Variants in NCR3LG1 observed in about 807,000 individuals in gnomAD.
NCR3LG1 encodes natural killer cell cytotoxicity receptor 3 ligand 1.
NCR3LG1 carries 35 observed loss-of-function variants against 34.8 expected under a neutral mutation model. The observed-to-expected ratio is 1.01, with a 90% CI of 0.77 to 1.33. NCR3LG1 has a LOEUF of 1.33. Ranked by LOEUF, NCR3LG1 falls within the 40% of genes most tolerant of loss-of-function variation. The pLI is 0.00. For synonymous variants in NCR3LG1, 173 were observed against 163.6 expected, an observed-to-expected ratio of 1.06 and a Z score of -0.44; for missense variants, 452 against 423.3, an observed-to-expected ratio of 1.07 and a Z score of -0.60.
In NCR3LG1 at chr11:17,376,540, AT is replaced by A. The variant is rs1953479422; in HGVS notation, c.*4031del. On this transcript the variant is annotated 3_prime_UTR_variant, in exon 5 of 5. Transcript: ENST00000338965. ...CTAAGGAACCTCTTGATGACTTGGTATTTACTGTCTTAGCATTCCCTTTGTT... is the reference window on the plus strand; with the variant it reads ...CTAAGGAACCTCTTGATGACTTGGTATTACTGTCTTAGCATTCCCTTTGTT... 1 of 152,190 alleles carries A rather than the reference AT, an allele frequency of 6.6e-6. No individual in the cohort carries two copies. 9.4% of individuals were successfully genotyped at this position (152,190 alleles called of 1,614,324 possible). A position where few individuals can be genotyped will look rare whatever the true frequency, so the allele number is the denominator to read the frequency against.
intron 1 of NCR3LG1, among the ~76,000 whole-genome samples, chr11:17,354,545 C>CTTTTTTTTTTTTTTTTTTTTTTTTTTTT (rs71047545): frequency 1.4e-5 from 1 of 70,294 alleles, no homozygotes; most frequent in Non-Finnish European, 3.4e-5. Context: ...AATTCTTCTT[C>CTTTTTTTTTTTTTTTTTTTTTTTTTTTT]TTTTTTTTTT....
chr11:17,358,836 T>A (rs1439712814), intron 2 of NCR3LG1, among the ~76,000 whole-genome samples: 2 of 152,216 alleles, frequency 1.3e-5, no homozygotes, highest in South Asian at 2.1e-4. Context: ...TTTTCTCAAA[T>A]TTTTCCAGCT....
chr11:17,354,536 ATTC>A (rs1266055036), intron 1 of NCR3LG1, among the ~76,000 whole-genome samples: 36 of 97,782 alleles, frequency 3.7e-4, no homozygotes, highest in South Asian at 6.0e-4. Context: ...CGACCCCCCA[ATTC>A]TTCTTCTTTT....
intron 1 of NCR3LG1, among the ~76,000 whole-genome samples, chr11:17,352,392 AGAT>A (rs1953147796): frequency 6.6e-6 from 1 of 151,960 alleles, no homozygotes; most frequent in Non-Finnish European, 1.5e-5. Flanking sequence ...GTGTTAGCCA[AGAT>A]GGTCTCCTTG....
chr11:17,357,545 T>C (rs751752177), intron 2 of NCR3LG1, among the ~76,000 whole-genome samples: 1 of 152,100 alleles, frequency 6.6e-6, no homozygotes, highest in Admixed American at 6.5e-5. Flanking sequence ...CATAAGACTT[T>C]GAATGTTTTG....
intron 1 of NCR3LG1, among the ~76,000 whole-genome samples, chr11:17,353,883 A>C (rs999608727): frequency 6.6e-6 from 1 of 152,200 alleles, no homozygotes; most frequent in African/African-American, 2.4e-5. Context: ...TCGCCTAACA[A>C]ATCATTTCCG....
At position 17,376,050 on chromosome 11, in the gene NCR3LG1, G is replaced by C. The variant is rs183066614; in HGVS notation, c.*3538G>C. The C allele has an allele frequency of 3.9e-5, 6 of 152,100 alleles. No individual in the cohort carries two copies. Among genetic ancestry groups the C allele is most frequent in the African/African-American group, 1.2e-4 (5 of 41,410 alleles). The allele number at this position is 152,100 out of a possible 1,614,324, so 9.4% of individuals were successfully genotyped here. On this transcript the variant is annotated 3_prime_UTR_variant, in exon 5 of 5. Coordinates refer to ENST00000338965, the MANE Select transcript of NCR3LG1 (RefSeq NM_001202439.3). ...TCTCAGGAGAAAATCTACTAAAAATGGTCAAATAGGTTGTTAATACTCGTG... is the reference window on the plus strand; with the variant it reads ...TCTCAGGAGAAAATCTACTAAAAATCGTCAAATAGGTTGTTAATACTCGTG...
Position 17,372,124 on chromosome 11 carries a change from G to C in NCR3LG1, c.977G>C (p.Trp326Ser). The change falls in exon 5 of 5, where the codon TGG (tryptophan) becomes TCG (serine). Residue 326 changes from tryptophan (W) to serine (S), a missense_variant. Trp to Ser is a radical substitution (Grantham distance 177). Coordinates refer to ENST00000338965, the MANE Select transcript of NCR3LG1 (RefSeq NM_001202439.3). ...CTCATATTCTTTTGCACTCGGGCAT[G>C]GCCGTCTTACCAGCTGCAGGATGGG... ...EHLIFFCTRA[W>S]PSYQLQDGEA... 1 of 703,032 alleles carries C rather than the reference G, an allele frequency of 1.4e-6. No homozygotes were observed. Among genetic ancestry groups the C allele is most frequent in the Admixed American group, 2.0e-5 (1 of 50,022 alleles). 43.5% of individuals were successfully genotyped at this position (703,032 alleles called of 1,614,324 possible).
intron 2 of NCR3LG1, among the ~76,000 whole-genome samples, chr11:17,364,488 C>T (rs769957357): frequency 2.7e-4 from 40 of 150,246 alleles, no homozygotes; most frequent in Non-Finnish European, 4.9e-4. Context: ...GCCACCACAC[C>T]GTGCCCAGTT....
chr11:17,370,929 C>G (rs1037771860), intron 4 of NCR3LG1, among the ~76,000 whole-genome samples: 1 of 152,154 alleles, frequency 6.6e-6, no homozygotes, highest in African/African-American at 2.4e-5. Flanking sequence ...AGGAATGTAA[C>G]TCAAATAATT....
At chr11:17,354,575 G>A (rs1218002942) in intron 1 of NCR3LG1, among the ~76,000 whole-genome samples, 6 of 34,788 alleles carry the variant, frequency 1.7e-4, no homozygotes, top group Non-Finnish European at 2.3e-4. Flanking sequence ...TTTTTTTTTG[G>A]TAGTCACTTT....
intron 1 of NCR3LG1, among the ~76,000 whole-genome samples, 166 bp from the exon 2 acceptor site, chr11:17,356,485 T>C (rs985303429): frequency 5.3e-5 from 8 of 152,012 alleles, no homozygotes; most frequent in Admixed American, 2.0e-4. Context: ...AGGACTTTCC[T>C]CTTATGACCT....
downstream of NCR3LG1, among the ~76,000 whole-genome samples, chr11:17,378,697 A>T (rs1298348116): frequency 2.0e-5 from 3 of 152,204 alleles, no homozygotes; most frequent in Non-Finnish European, 4.4e-5. Context: ...ATGAGAAAGG[A>T]GGAAGGAAGA....
rs1166259734 is a variant in NCR3LG1, at chr11:17,367,175, T to G, written c.588T>G (p.Thr196=). 2 of 1,536,540 alleles carry G rather than the reference T, an allele frequency of 1.3e-6. No homozygotes were observed. Among genetic ancestry groups the G allele is most frequent in the Non-Finnish European group, 1.7e-6 (2 of 1,147,050 alleles). Residue 196 remains threonine, a synonymous_variant, in exon 3 of 5, where the codon ACT becomes ACG. Coordinates refer to ENST00000338965, the MANE Select transcript of NCR3LG1 (RefSeq NM_001202439.3). The stretch of plus-strand genomic sequence containing the variant: ...TAGAGATTTCTGAGGATGTCATCAC[T>G]GGTCCCACCATCAAGAATATGGATG... ...HPIEISEDVI[T]GPTIKNMDGT... is the part of the protein sequence containing the mutation.
intron 2 of NCR3LG1, among the ~76,000 whole-genome samples, chr11:17,359,789 G>A (rs1953250542): frequency 2.0e-5 from 3 of 151,856 alleles, no homozygotes; most frequent in Admixed American, 6.6e-5. Context: ...TGGGATTACA[G>A]GCATGAACCA....
chr11:17,353,787 A>G (rs1011190641), intron 1 of NCR3LG1, among the ~76,000 whole-genome samples: 3 of 152,224 alleles, frequency 2.0e-5, no homozygotes, highest in African/African-American at 7.2e-5. Flanking sequence ...CGGCGGCTGC[A>G]TGAGGGTCGG....
At chr11:17,378,897 A>T (rs1953498763), downstream of NCR3LG1, among the ~76,000 whole-genome samples, 1 of 152,306 alleles carries the variant, frequency 6.6e-6, no homozygotes, top group Admixed American at 6.5e-5. Flanking sequence ...ACAATGGAAA[A>T]TTCCATTCCC....
chr11:17,364,593 C>T (rs1425812687), intron 2 of NCR3LG1, among the ~76,000 whole-genome samples: 1 of 151,554 alleles, frequency 6.6e-6, no homozygotes, highest in Non-Finnish European at 1.5e-5. Flanking sequence ...GTTGCCCAGT[C>T]TGGAGTGCAG....
At chr11:17,354,545 C>CTTCTTTTTT (rs1565500552) in intron 1 of NCR3LG1, among the ~76,000 whole-genome samples, 3 of 70,294 alleles carry the variant, frequency 4.3e-5, no homozygotes, top group African/African-American at 7.7e-5. Context: ...AATTCTTCTT[C>CTTCTTTTTT]TTTTTTTTTT....
Sources: gnomAD v4.1 joint callset for allele counts (sites outside exome capture counted in the v4.1 genomes callset) on GRCh38, gnomAD v4.1.1 for gene constraint, MANE v1.5 for transcripts, NCBI Gene and HGNC (gene_info 2026-07-23, HGNC 2026-07-21) for gene names.